Variants in KHDC1 observed in about 807,000 individuals in gnomAD.
The protein encoded by KHDC1 is KH domain containing 1.
A neutral mutation model predicts 24.7 loss-of-function variants in KHDC1; 21 were observed. The ratio of observed to expected loss-of-function variants is 0.85; its 90% CI spans 0.60 to 1.23. The LOEUF (loss-of-function observed/expected upper bound fraction) is 1.23. Ranked by LOEUF, KHDC1 falls within the 50% of genes most tolerant of loss-of-function variation. KHDC1 has a pLI of 0.00. For synonymous variants in KHDC1, 98 were observed against 111.7 expected (o/e 0.88, Z 0.77); for missense variants, 274 against 298.5 (o/e 0.92, Z 0.61).
chr6:73,263,024 G>T, intron 2 of KHDC1: 1 of 1,033,396 alleles, frequency 9.7e-7, no homozygotes, highest in Non-Finnish European at 1.2e-6. Flanking sequence ...GCAGGCCTGG[G>T]CCACTCCCTG....
intron 2 of KHDC1, among the ~76,000 whole-genome samples, chr6:73,253,121 G>T (rs1766811483): frequency 6.6e-6 from 1 of 152,058 alleles, no homozygotes; most frequent in African/African-American, 2.4e-5. Context: ...TGCATGAAAA[G>T]ACCAATCAGT....
chr6:73,273,217 G>A (rs1476783707), intron 2 of KHDC1, among the ~76,000 whole-genome samples: 2 of 150,904 alleles, frequency 1.3e-5, no homozygotes, highest in Non-Finnish European at 2.9e-5. Context: ...GCCCAGGCTG[G>A]AGTGCAATGG....
intron 2 of KHDC1, among the ~76,000 whole-genome samples, chr6:73,244,929 T>G (rs1449370574): frequency 6.6e-6 from 1 of 152,106 alleles, no homozygotes; most frequent in African/African-American, 2.4e-5. Flanking sequence ...CCCTGTCTCT[T>G]AAAATATGAT....
chr6:73,291,948 CT>C (rs1767658691), intron 2 of KHDC1: 3 of 1,603,318 alleles, frequency 1.9e-6, no homozygotes, highest in Non-Finnish European at 2.6e-6. Context: ...CACAGACTCC[CT>C]TTTTTTGGTA....
chr6:73,309,720 G>C (rs1307102749), exon 1 of KHDC1: 1 of 1,549,888 alleles, frequency 6.5e-7, no homozygotes, highest in South Asian at 1.2e-5. Context: ...AGCATTTCGC[G>C]TTTCTGGCCT....
At chr6:73,257,350 C>T (rs1435748960) in intron 2 of KHDC1, among the ~76,000 whole-genome samples, 2 of 152,242 alleles carry the variant, frequency 1.3e-5, no homozygotes, top group Admixed American at 6.6e-5. Flanking sequence ...TTTGGGGATT[C>T]TCTAACAATA....
At chr6:73,308,128 G>A (rs956453961) in intron 1 of KHDC1, among the ~76,000 whole-genome samples, 1 of 144,516 alleles carries the variant, frequency 6.9e-6, no homozygotes, top group Non-Finnish European at 1.5e-5. Flanking sequence ...AGACTGGAGT[G>A]CAGTGACGCG....
intron 1 of KHDC1, chr6:73,309,469 GA>G (rs1429867357): frequency 7.3e-7 from 1 of 1,376,042 alleles, no homozygotes; most frequent in African/African-American, 1.5e-5. Flanking sequence ...GAGTGATCCT[GA>G]AAGATCCCGG....
At chr6:73,248,662 G>T (rs1462547267) in intron 2 of KHDC1, among the ~76,000 whole-genome samples, 3 of 152,154 alleles carry the variant, frequency 2.0e-5, no homozygotes, top group Non-Finnish European at 4.4e-5. Context: ...GAAGCATCAG[G>T]TGCAACTTAA....
Position 73,273,272 on chromosome 6 carries a change from A to G in KHDC1, c.206+18726T>C, listed in dbSNP as rs1375969130. Among the ~76,000 whole-genome samples the G allele has an allele frequency of 2.7e-5, 4 of 150,146 alleles. No homozygotes were observed. The South Asian group carries it at 6.3e-4, about 24-fold the overall frequency. On this transcript the variant is annotated intron_variant, in intron 2 of 4. Transcript: ENST00000370384. ...AACCTTCGCCTCCTGGGTTCAAGCA[A>G]TTCTCCTGTCTCAGCCTCCCAAGTA...
intron 1 of KHDC1, among the ~76,000 whole-genome samples, chr6:73,296,376 C>T (rs1430715491): frequency 6.6e-6 from 1 of 151,578 alleles, no homozygotes; most frequent in African/African-American, 2.4e-5. Flanking sequence ...TCACTTGAAC[C>T]CAGGAGGCAG....
intron 2 of KHDC1, chr6:73,290,373 A>G (rs1232422924): frequency 3.4e-6 from 1 of 290,660 alleles, no homozygotes; most frequent in African/African-American, 2.2e-5. Flanking sequence ...TGTAACTTAA[A>G]GGGAAACTTT....
chr6:73,301,645 T>C (rs976891772), intron 1 of KHDC1, among the ~76,000 whole-genome samples: 10 of 152,114 alleles, frequency 6.6e-5, no homozygotes, highest in African/African-American at 2.4e-4. Flanking sequence ...ATTTTTTTTT[T>C]CTTAGAGACA....
chr6:73,291,826 A>G, intron 2 of KHDC1: 1 of 664,442 alleles, frequency 1.5e-6, no homozygotes, highest in Non-Finnish European at 2.6e-6. Context: ...AATGTTTAAT[A>G]TTTGTGTGAT....
In KHDC1 at chr6:73,253,322, G is replaced by A. The variant is rs113912548; in HGVS notation, c.207-10792C>T. Among the ~76,000 whole-genome samples, 293 of 151,062 alleles carry A rather than the reference G, an allele frequency of 1.9e-3. 4 individuals carry two copies. The highest frequency in any genetic ancestry group is 0.015 in the South Asian group (72 of 4,772). ...TGTAATCCCAGCACTTTGGGAGGCC[G>A]AGGGGGGTGGATCACAAGGTCAGGA... On this transcript the variant is annotated intron_variant, in intron 2 of 4. Coordinates refer to ENST00000370384, the Ensembl canonical transcript of KHDC1.
At chr6:73,297,681 A>G (rs1767781121) in intron 1 of KHDC1, among the ~76,000 whole-genome samples, 1 of 152,192 alleles carries the variant, frequency 6.6e-6, no homozygotes, top group South Asian at 2.1e-4. Context: ...GAACAAAATC[A>G]ATGTATATGC....
At chr6:73,278,762 A>G (rs926630265) in intron 2 of KHDC1, among the ~76,000 whole-genome samples, 1 of 152,226 alleles carries the variant, frequency 6.6e-6, no homozygotes, top group Non-Finnish European at 1.5e-5. Flanking sequence ...ATGTATGCAT[A>G]GGAAAAATCA....
chr6:73,261,713 A>T (rs1766983680), intron 2 of KHDC1, among the ~76,000 whole-genome samples: 1 of 151,850 alleles, frequency 6.6e-6, no homozygotes, highest in African/African-American at 2.4e-5. Flanking sequence ...GGAGTTTGAA[A>T]CCAGCCTGGC....
At chr6:73,243,817 G>C (rs551744730) in intron 2 of KHDC1, among the ~76,000 whole-genome samples, 2 of 152,322 alleles carry the variant, frequency 1.3e-5, no homozygotes, top group South Asian at 2.1e-4. Context: ...CTTGGCTGGC[G>C]AAGAAGAAAC....
Sources: allele counts gnomAD v4.1 joint callset (sites outside exome capture counted in the v4.1 genomes callset), GRCh38; gene constraint gnomAD v4.1.1; transcripts MANE v1.5; gene names NCBI Gene and HGNC (gene_info 2026-07-23, HGNC 2026-07-21).